Variants in TMEM163 observed in about 807,000 individuals in gnomAD.
The protein encoded by TMEM163 is transmembrane protein 163.
In TMEM163, 17 loss-of-function variants were observed where a neutral mutation model predicts 29.3. That is an observed-to-expected ratio of 0.58 (90% CI 0.40 to 0.87). The LOEUF is 0.87. Among genes scored for constraint, TMEM163 ranks in the 40% least tolerant of loss-of-function variants. The pLI is 0.00. For synonymous variants in TMEM163, 157 were observed against 160.6 expected, an observed-to-expected ratio of 0.98 and a Z score of 0.17; for missense variants, 303 against 381.5, an observed-to-expected ratio of 0.79 and a Z score of 1.71.
intron 2 of TMEM163, among the ~76,000 whole-genome samples, chr2:134,620,787 T>C (rs1682713744): frequency 1.3e-5 from 2 of 152,084 alleles, no homozygotes; most frequent in African/African-American, 4.8e-5. Context: ...GAAAGAAAAT[T>C]GAACTTAAAC....
intron 2 of TMEM163, among the ~76,000 whole-genome samples, chr2:134,624,853 G>A (rs1304574794): frequency 1.3e-5 from 2 of 149,978 alleles, no homozygotes; most frequent in African/African-American, 2.5e-5. Context: ...GAGGTTGCTG[G>A]GGGCCGAGAT....
chr2:134,542,483 C>T (rs924259775), intron 4 of TMEM163, among the ~76,000 whole-genome samples: 1 of 152,228 alleles, frequency 6.6e-6, no homozygotes, highest in African/African-American at 2.4e-5. Flanking sequence ...AGGCCACAGA[C>T]TGTCACCTGC....
At chr2:134,606,395 C>T (rs536288281) in intron 2 of TMEM163, among the ~76,000 whole-genome samples, 61 of 152,274 alleles carry the variant, frequency 4.0e-4, no homozygotes, top group African/African-American at 1.4e-3. Context: ...CCTCCCTCTG[C>T]TCACAGTGAA....
intron 2 of TMEM163, among the ~76,000 whole-genome samples, chr2:134,604,046 T>C (rs192274002): frequency 7.5e-4 from 114 of 152,246 alleles, no homozygotes; most frequent in African/African-American, 2.5e-3. Flanking sequence ...TTTCACTTTC[T>C]CCTGGACTAC....
In TMEM163 at chr2:134,460,812, C is replaced by A. The variant is rs1317964907; in HGVS notation, c.668-2639G>T. ...CAGGTCCACCAGGTGTTCCCCGACA[C>A]CCCACAGCTGAGAGGCTGGTGGCAG... On this transcript the variant is annotated intron_variant, in intron 6 of 7. Transcript: ENST00000281924. This position sits in a 1 kb window ranked among gnomAD's most constrained non-coding sequence, Gnocchi z 4.3. Among the ~76,000 whole-genome samples the A allele has an allele frequency of 6.6e-6, 1 of 152,224 alleles. No individual in the cohort carries two copies. Among genetic ancestry groups the A allele is most frequent in the Non-Finnish European group, 1.5e-5 (1 of 68,042 alleles).
intron 5 of TMEM163, among the ~76,000 whole-genome samples, chr2:134,486,953 T>C (rs1053311659): frequency 6.6e-6 from 1 of 152,196 alleles, no homozygotes; most frequent in Non-Finnish European, 1.5e-5. Flanking sequence ...AAAATCTCAG[T>C]ATAAACAGAA....
At chr2:134,652,450 G>A (rs1242970137) in intron 2 of TMEM163, among the ~76,000 whole-genome samples, 2 of 90,678 alleles carry the variant, frequency 2.2e-5, no homozygotes, top group Non-Finnish European at 4.1e-5. Flanking sequence ...TTTGGGCTGA[G>A]ACAATGGGGT....
chr2:134,676,738 C>A (rs558788108), intron 2 of TMEM163, among the ~76,000 whole-genome samples: 1 of 152,182 alleles, frequency 6.6e-6, no homozygotes, highest in Non-Finnish European at 1.5e-5. Context: ...TTTACCTATT[C>A]TGGATATTTC....
At chr2:134,697,058 G>A in intron 2 of TMEM163, among the ~76,000 whole-genome samples, 1 of 152,112 alleles carries the variant, frequency 6.6e-6, no homozygotes, top group East Asian at 1.9e-4. Context: ...TTACAGGTGT[G>A]AGCCACCATG....
chr2:134,666,807 A>G (rs73958781), intron 2 of TMEM163, among the ~76,000 whole-genome samples: 12,767 of 152,292 alleles, frequency 0.084, 608 homozygotes, highest in South Asian at 0.17. Context: ...TGTGGATTAA[A>G]TGAGATAATC....
chr2:134,496,640 C>G (rs1387819285), intron 5 of TMEM163, among the ~76,000 whole-genome samples: 2 of 152,292 alleles, frequency 1.3e-5, no homozygotes, highest in East Asian at 3.9e-4. Flanking sequence ...CCTTTTATCA[C>G]TGGAGGGAAG....
intron 2 of TMEM163, among the ~76,000 whole-genome samples, chr2:134,562,164 T>G (rs1376807450): frequency 6.6e-6 from 1 of 152,232 alleles, no homozygotes; most frequent in Non-Finnish European, 1.5e-5. Flanking sequence ...GGTGTCTTTT[T>G]GGGCCCCAAA....
At chr2:134,551,317 G>T (rs1680917196) in intron 3 of TMEM163, among the ~76,000 whole-genome samples, 1 of 151,854 alleles carries the variant, frequency 6.6e-6, no homozygotes, top group African/African-American at 2.4e-5. Flanking sequence ...TTCCTGGATG[G>T]TCCACATCTT....
intron 2 of TMEM163, among the ~76,000 whole-genome samples, chr2:134,652,659 T>A (rs1683507797): frequency 8.1e-6 from 1 of 122,710 alleles, no homozygotes; most frequent in South Asian, 2.8e-4. Flanking sequence ...TTTTGCCCAT[T>A]CAGTATGATA....
At chr2:134,602,250 C>A (rs148741362) in intron 2 of TMEM163, among the ~76,000 whole-genome samples, 66 of 152,262 alleles carry the variant, frequency 4.3e-4, no homozygotes, top group African/African-American at 1.5e-3. Context: ...ATTTTCCATT[C>A]TTGGCTTTCC....
intron 6 of TMEM163, among the ~76,000 whole-genome samples, chr2:134,459,631 C>A (rs1011939252): frequency 3.3e-5 from 5 of 152,048 alleles, no homozygotes; most frequent in Admixed American, 6.5e-5. Context: ...CACCCCCCTT[C>A]TGCCCGGGTT....
At chr2:134,654,178 G>A (rs1373345062) in intron 2 of TMEM163, among the ~76,000 whole-genome samples, 26 of 126,664 alleles carry the variant, frequency 2.1e-4, no homozygotes, top group Non-Finnish European at 1.1e-4. Context: ...ATGTGTGGGA[G>A]TCTAAGTCTC....
At chr2:134,589,219 G>T (rs1681887168) in intron 2 of TMEM163, among the ~76,000 whole-genome samples, 1 of 152,124 alleles carries the variant, frequency 6.6e-6, no homozygotes, top group South Asian at 2.1e-4. Context: ...CAAGAAAGAG[G>T]TCAAAATTCA....
At chr2:134,593,869 C>A (rs1314567300) in intron 2 of TMEM163, among the ~76,000 whole-genome samples, 2 of 150,996 alleles carry the variant, frequency 1.3e-5, no homozygotes, top group Non-Finnish European at 2.9e-5. Context: ...TGCCTTGTAG[C>A]AATGCGATTA....
Sources: allele counts gnomAD v4.1 joint callset (sites outside exome capture counted in the v4.1 genomes callset), GRCh38; gene constraint gnomAD v4.1.1; non-coding constraint Gnocchi (gnomAD v3.1); transcripts MANE v1.5; gene names NCBI Gene and HGNC (gene_info 2026-07-23, HGNC 2026-07-21).